Variants in MAST1 observed in about 807,000 individuals in gnomAD.
The protein encoded by MAST1 is microtubule-associated serine/threonine-protein kinase 1.
A neutral mutation model predicts 124.6 loss-of-function variants in MAST1; 40 were observed. The ratio of observed to expected loss-of-function variants is 0.32; its 90% CI spans 0.25 to 0.42. MAST1 has a LOEUF of 0.42. Among genes scored for constraint, MAST1 ranks in the 10% least tolerant of loss-of-function variants. The probability of loss-of-function intolerance (pLI) is 1.00; values close to 1 mark genes in which losing one functional copy is unlikely to be tolerated. For missense variants in MAST1, 1,558 were observed against 2,181.9 expected, an observed-to-expected ratio of 0.71 and a Z score of 5.70; for synonymous variants, 938 against 939.4, an observed-to-expected ratio of 1.00 and a Z score of 0.03.
intron 10 of MAST1, among the ~76,000 whole-genome samples, chr19:12,853,616 C>G (rs1969988258): frequency 6.6e-6 from 1 of 151,438 alleles, no homozygotes; most frequent in Non-Finnish European, 1.5e-5. Context: ...GCATGTAATC[C>G]TAGTACTTTG....
intron 4 of MAST1, among the ~76,000 whole-genome samples, chr19:12,844,440 G>A (rs1012130819): frequency 2.0e-5 from 3 of 152,196 alleles, no homozygotes; most frequent in Non-Finnish European, 4.4e-5. Context: ...CCTCATGGGG[G>A]AAGACAAGCC....
rs765818297 is a variant in MAST1 at position 12,874,547 on chromosome 19, G to A, written c.4390G>A (p.Ala1464Thr). The A allele has an allele frequency of 8.6e-6, 13 of 1,513,634 alleles. No homozygotes were observed. The highest frequency in any genetic ancestry group is 2.8e-5 in the African/African-American group (2 of 72,094). 93.8% of individuals were successfully genotyped at this position (1,513,634 alleles called of 1,614,324 possible). ...GGACTCCAAGGGGTTGCAGGAACCC[G>A]CACCCCTGGCGCCTTCCGTGCCCGA... ...GADSKGLQEP[A>T]PLAPSVPEAP... Residue 1464 changes from alanine to threonine, a missense_variant, in exon 26 of 26, where the codon GCA becomes ACA. Transcript: ENST00000251472. The surrounding 1 kb of genome is among the most constrained non-coding windows in gnomAD (Gnocchi z 6.6).
In MAST1 at chr19:12,866,784, G is replaced by T. The variant is rs753527028; in HGVS notation, c.2139+22G>T. ...CAAGGTGGGCCAAGTCTGGGTGTGG[G>T]ACAGGGCGAGACCCCAGGAGGGATG... On this transcript the variant is annotated intron_variant, in intron 18 of 25. Coordinates refer to ENST00000251472, the MANE Select transcript of MAST1 (RefSeq NM_014975.3). This position sits in a 1 kb window ranked among gnomAD's most constrained non-coding sequence, Gnocchi z 5.2. 3 of 1,579,718 alleles carry T rather than the reference G, an allele frequency of 1.9e-6. No homozygotes were observed. In the African/African-American group the frequency reaches 4.1e-5, roughly 21 times the overall value.
At chr19:12,845,496 A>C (rs572048480) in intron 4 of MAST1, among the ~76,000 whole-genome samples, 20 of 149,546 alleles carry the variant, frequency 1.3e-4, no homozygotes, top group African/African-American at 4.9e-4. Flanking sequence ...AGATGGAAAG[A>C]TTGCTCGAGC....
rs1393354153 is a variant in MAST1 at position 12,871,031 on chromosome 19, C to T, written c.3127-5C>T. On this transcript the variant is annotated splice_polypyrimidine_tract_variant and splice_region_variant and intron_variant, in intron 23 of 25. Coordinates refer to ENST00000251472, the MANE Select transcript of MAST1 (RefSeq NM_014975.3). ...GCAGAGCATTTTCCCGCATTCTTCC[C>T]CCAGAGTGGCAACAAGGTAGCAGTG... 6.2e-7 allele frequency: 1 copy of T among 1,614,020 alleles called. No homozygotes were observed. The highest frequency in any genetic ancestry group is 1.3e-5 in the African/African-American group (1 of 74,926).
At chr19:12,845,091 C>T (rs1335059394) in intron 4 of MAST1, among the ~76,000 whole-genome samples, 1 of 152,038 alleles carries the variant, frequency 6.6e-6, no homozygotes, top group African/African-American at 2.4e-5. Context: ...CATTTGAGGT[C>T]AGGAGTTCGA....
In MAST1 at chr19:12,852,203, G is replaced by A. The variant is rs1335107022; in HGVS notation, c.965G>A (p.Arg322His). ...CACCTTGTGAAGACGGACATCCCCC[G>A]CTACATCATCCGCCAGCTGGGCCTC... Reference protein sequence around the residue: ...EGHLVKTDIPRYIIRQLGLTR... With the variant: ...EGHLVKTDIPHYIIRQLGLTR... The change falls in exon 9 of 26, where the codon CGC (arginine) becomes CAC (histidine). Residue 322 changes from arginine (R) to histidine (H), a missense_variant. By Grantham distance (29) the Arg-to-His change is conservative (BLOSUM62 0). Transcript: ENST00000251472. The A allele has an allele frequency of 6.2e-7, 1 of 1,614,032 alleles. No individual in the cohort carries two copies. Among genetic ancestry groups the A allele is most frequent in the Non-Finnish European group, 8.5e-7 (1 of 1,180,000 alleles).
At chr19:12,844,109 T>C (rs1255144629) in intron 4 of MAST1, among the ~76,000 whole-genome samples, 2 of 152,210 alleles carry the variant, frequency 1.3e-5, no homozygotes, top group African/African-American at 4.8e-5. Context: ...AGCCCAATGC[T>C]CTGCCCTCAA....
chr19:12,847,285 C>T lies in MAST1; in HGVS notation c.328-5C>T. Reference sequence around the variant, plus strand: ...CTCTGACCCCGGCCCTGCCCCTGTCCCCAGTCCTCCTGCTCCTCCCAGGAG... The same window carrying T: ...CTCTGACCCCGGCCCTGCCCCTGTCTCCAGTCCTCCTGCTCCTCCCAGGAG... On this transcript the variant is annotated splice_region_variant and splice_polypyrimidine_tract_variant and intron_variant, in intron 4 of 25. Coordinates refer to ENST00000251472, the MANE Select transcript of MAST1 (RefSeq NM_014975.3). The surrounding 1 kb of genome is among the most constrained non-coding windows in gnomAD (Gnocchi z 5.5). 6.2e-7 allele frequency: 1 copy of T among 1,609,418 alleles called. No homozygotes were observed. The highest frequency in any genetic ancestry group is 8.5e-7 in the Non-Finnish European group (1 of 1,176,824).
intron 10 of MAST1, 75 bp from the exon 11 acceptor site, chr19:12,858,287 A>T (rs1352751951): frequency 7.8e-7 from 1 of 1,273,948 alleles, no homozygotes; most frequent in East Asian, 2.4e-5. Context: ...CAGTTTCCCC[A>T]TGTGTAAAAT....
At chr19:12,846,892 A>AAG (rs1969900696) in intron 4 of MAST1, among the ~76,000 whole-genome samples, 1 of 151,034 alleles carries the variant, frequency 6.6e-6, no homozygotes, top group Non-Finnish European at 1.5e-5. Context: ...AAAAAAAAAA[A>AAG]AAGAAGGCCA....
Position 12,866,221 on chromosome 19 carries a change from C to G in MAST1, c.2029+119C>G. 1 of 1,002,844 alleles carries G rather than the reference C, an allele frequency of 1.0e-6. No individual in the cohort carries two copies. Among genetic ancestry groups the G allele is most frequent in the South Asian group, 1.8e-5 (1 of 56,120 alleles). The allele number at this position is 1,002,844 out of a possible 1,614,324, so 62.1% of individuals were successfully genotyped here. ...AGTACCAAGATGTGATGCCTAGGTG[C>G]GAAGGTGGTATTTTGGTGGGGGCGG... On this transcript the variant is annotated intron_variant, in intron 17 of 25. Coordinates refer to ENST00000251472, the MANE Select transcript of MAST1 (RefSeq NM_014975.3). The surrounding 1 kb of genome is among the most constrained non-coding windows in gnomAD (Gnocchi z 5.2).
chr19:12,873,386 G>T lies in MAST1; in HGVS notation c.3326G>T (p.Arg1109Leu), dbSNP rs1405180473. The T allele has an allele frequency of 3.1e-6, 5 of 1,613,846 alleles. No homozygotes were observed. The highest frequency in any genetic ancestry group is 1.3e-5 in the African/African-American group (1 of 74,930). The change falls in exon 25 of 26, where the codon CGC becomes CTC. Residue 1109 changes from arginine to leucine, a missense_variant. By Grantham distance (102) the Arg-to-Leu change is moderately radical. This residue lies in a region of MAST1 where 291 missense variants were observed against 475.8 expected (regional missense o/e 0.61). Transcript: ENST00000251472. Reference protein sequence around the residue: ...TKQSNLLHTSRSLSSLNRSLS... With the variant: ...TKQSNLLHTSLSLSSLNRSLS... ...CAGTCGAACCTGCTGCATACTAGCC[G>T]CTCGCTGTCGTCGCTGAACCGCTCG...
At chr19:12,867,689 G>T in intron 19 of MAST1, 37 bp downstream of exon 19, 1 of 1,540,124 alleles carries the variant, frequency 6.5e-7, no homozygotes, top group Non-Finnish European at 8.7e-7. Flanking sequence ...GGGCGGGGTC[G>T]AAGGGGGCGT....
intron 22 of MAST1, among the ~76,000 whole-genome samples, chr19:12,870,180 C>CAAA (rs35731863): frequency 3.3e-5 from 1 of 30,608 alleles, no homozygotes; most frequent in Non-Finnish European, 5.4e-5. Flanking sequence ...GACACCATCT[C>CAAA]AAAAAAAAAA....
At position 12,873,894 on chromosome 19, in the gene MAST1, T is replaced by G; in HGVS notation, c.3737T>G (p.Val1246Gly). The change falls in exon 26 of 26, where the codon GTG becomes GGG. Residue 1246 changes from valine (V) to glycine (G), a missense_variant. By Grantham distance (109) the Val-to-Gly change is moderately radical. Coordinates refer to ENST00000251472, the MANE Select transcript of MAST1 (RefSeq NM_014975.3). ...AAACTGCACTCATCGCCTCCCGTCG[T>G]GCGCCCGCGCCCCAAGAGTGCCGAG... The part of the protein sequence containing the change: ...PAKLHSSPPV[V>G]RPRPKSAEPP... The G allele has an allele frequency of 6.3e-7, 1 of 1,580,540 alleles. No homozygotes were observed. Among genetic ancestry groups the G allele is most frequent in the Non-Finnish European group, 8.5e-7 (1 of 1,171,500 alleles).
In MAST1 at chr19:12,867,748, C is replaced by T. The variant is rs777161858; in HGVS notation, c.2337C>T (p.Ser779=). The change falls in exon 20 of 26, where the codon TCC becomes TCT. Residue 779 remains serine (S), a synonymous_variant. Coordinates refer to ENST00000251472, the MANE Select transcript of MAST1 (RefSeq NM_014975.3). ...GSPEIKRFSA[S]EASFLEGEAS... ...CATGCAGCAAGCGATTCTCCGCGTC[C>T]GAGGCCAGTTTCCTGGAGGGAGAGG... 6.5e-7 allele frequency: 1 copy of T among 1,536,628 alleles called. No individual in the cohort carries two copies. The highest frequency in any genetic ancestry group is 8.8e-7 in the Non-Finnish European group (1 of 1,141,950).
In MAST1 at chr19:12,865,255, G is replaced by A. The variant is rs1599588611; in HGVS notation, c.1639-61G>A. ...TCGGGAACCCAGGGCCTGGTGGGGG[G>A]CACAGCTCTCCCTTGAGGGCCCTCC... On this transcript the variant is annotated intron_variant, in intron 14 of 25. Coordinates refer to ENST00000251472, the MANE Select transcript of MAST1 (RefSeq NM_014975.3). The surrounding 1 kb of genome is among the most constrained non-coding windows in gnomAD (Gnocchi z 7.1). 11 of 1,585,030 alleles carry A rather than the reference G, an allele frequency of 6.9e-6. No homozygotes were observed. The highest frequency in any genetic ancestry group is 9.4e-6 in the Non-Finnish European group (11 of 1,164,720).
chr19:12,854,319 C>T (rs2145897575), intron 10 of MAST1, among the ~76,000 whole-genome samples: 1 of 152,232 alleles, frequency 6.6e-6, no homozygotes, highest in East Asian at 1.9e-4. Context: ...GACAGGGTTT[C>T]ACCATGTTGG....
Sources: allele counts gnomAD v4.1 joint callset (sites outside exome capture counted in the v4.1 genomes callset), GRCh38; gene constraint gnomAD v4.1.1; regional missense constraint gnomAD v4.1.1; non-coding constraint Gnocchi (gnomAD v3.1); transcripts MANE v1.5; gene names NCBI Gene and HGNC (gene_info 2026-07-23, HGNC 2026-07-21).